TPRG1: variants seen among roughly 807,000 people sequenced by gnomAD.
TPRG1 encodes tumor protein p63 regulated 1.
Under a neutral mutation model 29.3 loss-of-function variants are expected in TPRG1, and 29 were observed. The ratio of observed to expected loss-of-function variants is 0.99; its 90% CI spans 0.74 to 1.35. The LOEUF is 1.35. Ranked by LOEUF, TPRG1 falls within the 40% of genes most tolerant of loss-of-function variation. The probability of loss-of-function intolerance (pLI) is 0.00; values close to 1 mark genes in which losing one functional copy is unlikely to be tolerated. For missense variants in TPRG1, 327 were observed against 335.0 expected (o/e 0.98, Z 0.19); for synonymous variants, 130 against 116.8 (o/e 1.11, Z -0.73).
At position 189,324,001 on chromosome 3, in the gene TPRG1, C is replaced by A. The variant is rs1199555133; in HGVS notation, c.*3181C>A. 2 of 152,098 alleles carry A rather than the reference C, an allele frequency of 1.3e-5. No homozygotes were observed. The highest frequency in any genetic ancestry group is 2.9e-5 in the Non-Finnish European group (2 of 68,044). 9.4% of individuals were successfully genotyped at this position (152,098 alleles called of 1,614,324 possible). Reference sequence around the variant, plus strand: ...AAAGCAGATAGATGTTTTAACACAACAGGAGGACTTTTAAACAATCACCAG... The same window carrying A: ...AAAGCAGATAGATGTTTTAACACAAAAGGAGGACTTTTAAACAATCACCAG... On this transcript the variant is annotated 3_prime_UTR_variant, in exon 6 of 6. Transcript: ENST00000345063.
intron 4 of TPRG1, among the ~76,000 whole-genome samples, chr3:189,028,995 T>C (rs1372043385): frequency 6.6e-6 from 1 of 151,502 alleles, no homozygotes; most frequent in Non-Finnish European, 1.5e-5. Context: ...CTATTTCCTA[T>C]TGAAGATGGA....
chr3:189,009,324 A>T (rs567583039), intron 3 of TPRG1, among the ~76,000 whole-genome samples: 1 of 152,190 alleles, frequency 6.6e-6, no homozygotes, highest in South Asian at 2.1e-4. Flanking sequence ...ATTAATATTG[A>T]TAATTTATTT....
At chr3:189,201,873 A>G (rs1279816566) in intron 1 of TPRG1, among the ~76,000 whole-genome samples, 3 of 150,814 alleles carry the variant, frequency 2.0e-5, no homozygotes, top group African/African-American at 7.3e-5. Context: ...CTGGTCTTGA[A>G]CTCCTGACCT....
chr3:189,207,227 G>A, intron 1 of TPRG1, 149 bp from the exon 2 acceptor site: 2 of 1,430,582 alleles, frequency 1.4e-6, no homozygotes, highest in South Asian at 1.5e-5. Flanking sequence ...TTATGAAGCT[G>A]TATCCACCAA....
intron 4 of TPRG1, among the ~76,000 whole-genome samples, chr3:189,093,506 T>C (rs1718471266): frequency 1.3e-5 from 2 of 152,228 alleles, no homozygotes; most frequent in Admixed American, 1.3e-4. Flanking sequence ...GTGAGCTGAA[T>C]GAAATGGTCT....
At chr3:189,266,309 T>C (rs1027142805) in intron 4 of TPRG1, among the ~76,000 whole-genome samples, 3 of 152,232 alleles carry the variant, frequency 2.0e-5, no homozygotes, top group Non-Finnish European at 4.4e-5. Context: ...AGTTCCTCTA[T>C]GTGTATTATT....
chr3:189,099,438 G>A (rs1718922903), upstream of TPRG1, among the ~76,000 whole-genome samples: 1 of 152,120 alleles, frequency 6.6e-6, no homozygotes, highest in Non-Finnish European at 1.5e-5. Context: ...GCGGTGGTGT[G>A]AGAGTGGGCA....
chr3:189,151,700 G>C (rs1186548963), intron 5 of TPRG1, among the ~76,000 whole-genome samples: 1 of 152,058 alleles, frequency 6.6e-6, no homozygotes, highest in African/African-American at 2.4e-5. Flanking sequence ...GACCAATATG[G>C]TGAAACCCTG....
chr3:189,094,398 C>T (rs1007055270), intron 4 of TPRG1, among the ~76,000 whole-genome samples: 5 of 152,134 alleles, frequency 3.3e-5, no homozygotes, highest in African/African-American at 1.2e-4. Flanking sequence ...TTCCTCATTC[C>T]ACTATGCCTC....
intron 4 of TPRG1, among the ~76,000 whole-genome samples, chr3:189,297,010 T>C (rs6809171): frequency 0.57 from 87,095 of 151,808 alleles, 26,122 homozygotes; most frequent in African/African-American, 0.74. Flanking sequence ...AACAGGATTT[T>C]ACTCCCATAA....
At chr3:189,283,453 C>T (rs992874765) in intron 4 of TPRG1, among the ~76,000 whole-genome samples, 1 of 152,160 alleles carries the variant, frequency 6.6e-6, no homozygotes, top group Non-Finnish European at 1.5e-5. Flanking sequence ...AAGATTTTCT[C>T]TAATATGATT....
At chr3:189,218,514 C>T (rs1004266940) in intron 3 of TPRG1, among the ~76,000 whole-genome samples, 1 of 152,204 alleles carries the variant, frequency 6.6e-6, no homozygotes, top group East Asian at 1.9e-4. Flanking sequence ...GCTTGTCTAG[C>T]AACAGGGCTG....
At position 189,190,442 on chromosome 3, in the gene TPRG1, C is replaced by A. The variant is rs113807692; in HGVS notation, c.-9-16934C>A. On this transcript the variant is annotated intron_variant, in intron 1 of 5. Coordinates refer to ENST00000345063, the MANE Select transcript of TPRG1 (RefSeq NM_198485.4). The stretch of plus-strand genomic sequence containing the variant: ...ATCGCCTCTCCTCCCTGTCACCCCC[C>A]ACATCTTGCCAATAATGTTAACTTC... 1.5e-4 allele frequency among the ~76,000 whole-genome samples: 23 copies of A among 152,236 alleles called. 2 individuals are homozygous for A. The highest frequency in any genetic ancestry group is 5.1e-4 in the African/African-American group (21 of 41,544).
At chr3:189,041,365 A>G (rs1714623355) in intron 4 of TPRG1, among the ~76,000 whole-genome samples, 2 of 152,208 alleles carry the variant, frequency 1.3e-5, no homozygotes, top group South Asian at 4.1e-4. Context: ...GCAACTAAGA[A>G]TCTGAACTTT....
intron 4 of TPRG1, among the ~76,000 whole-genome samples, chr3:189,031,987 C>T (rs1297852309): frequency 6.6e-6 from 1 of 152,048 alleles, no homozygotes; most frequent in African/African-American, 2.4e-5. Context: ...AAGTAACAGT[C>T]GTTTATAAAA....
chr3:189,088,670 A>G (rs967710770), intron 4 of TPRG1, among the ~76,000 whole-genome samples: 2 of 152,148 alleles, frequency 1.3e-5, no homozygotes, highest in African/African-American at 4.8e-5. Flanking sequence ...TTTTCACCCC[A>G]TTTCCTATAT....
intron 4 of TPRG1, among the ~76,000 whole-genome samples, chr3:189,049,786 A>G (rs1377916181): frequency 6.6e-6 from 1 of 152,232 alleles, no homozygotes; most frequent in East Asian, 1.9e-4. Flanking sequence ...GCTGGTATCC[A>G]TGACTGAGAG....
chr3:189,037,190 TA>T (rs1714325831), intron 4 of TPRG1, among the ~76,000 whole-genome samples: 4 of 151,810 alleles, frequency 2.6e-5, no homozygotes, highest in South Asian at 2.1e-4. Flanking sequence ...ATATTGTCTA[TA>T]AAAAATTATA....
chr3:189,299,318 C>G (rs188443488), intron 4 of TPRG1, among the ~76,000 whole-genome samples: 1 of 152,184 alleles, frequency 6.6e-6, no homozygotes, highest in East Asian at 1.9e-4. Context: ...CCTCTTGGCA[C>G]GGAAAGCCTT....
Sources: allele counts gnomAD v4.1 joint callset (sites outside exome capture counted in the v4.1 genomes callset), GRCh38; gene constraint gnomAD v4.1.1; transcripts MANE v1.5; gene names NCBI Gene and HGNC (gene_info 2026-07-23, HGNC 2026-07-21).